The following USP6NL variants were observed in gnomAD, a reference collection of about 807,000 sequenced individuals.
USP6NL encodes the protein USP6 N-terminal-like protein.
USP6NL carries 26 observed loss-of-function variants against 61.9 expected under a neutral mutation model. The ratio of observed to expected loss-of-function variants is 0.42; its 90% confidence interval spans 0.31 to 0.58. The LOEUF is 0.58. USP6NL is among the 20% of genes least tolerant of loss of function. USP6NL has a pLI of 0.16. For missense variants in USP6NL, 1,114 were observed against 1,034.3 expected (o/e 1.08, Z -1.06); for synonymous variants, 432 against 390.1 (o/e 1.11, Z -1.27).
chr10:11,491,765 C>T lies in USP6NL; in HGVS notation c.495-885G>A, dbSNP rs969879703. 3.9e-5 allele frequency among the ~76,000 whole-genome samples: 6 copies of T among 152,160 alleles called. No homozygotes were observed. Among genetic ancestry groups the T allele is most frequent in the Non-Finnish European group, 8.8e-5 (6 of 68,016 alleles). On this transcript the variant is annotated intron_variant, in intron 8 of 14. Transcript: ENST00000609104. The surrounding 1 kb of genome is among the most constrained non-coding windows in gnomAD (Gnocchi z 4.7). ...AAAACTACCAATTCAGGCAGAACTG[C>T]TAGGTTCAGATTTTCAGGAAGAAAG...
chr10:11,536,022 C>G (rs1186031776), intron 2 of USP6NL, among the ~76,000 whole-genome samples: 1 of 152,182 alleles, frequency 6.6e-6, no homozygotes, highest in Non-Finnish European at 1.5e-5. Flanking sequence ...AGATTAACAT[C>G]AAAGCACAAC....
rs902989870 is a variant in USP6NL, at chr10:11,508,483, T to C, written c.276+1112A>G. ...AAAAGCTATAGTGAAACTTTTGCAC[T>C]GATGATAGAAAAGCTATGGTGGTAA... On this transcript the variant is annotated intron_variant, in intron 6 of 14. Transcript: ENST00000609104. 2.0e-5 allele frequency among the ~76,000 whole-genome samples: 3 copies of C among 152,350 alleles called. No homozygotes were observed. In the East Asian group the frequency reaches 5.8e-4, roughly 29 times the overall value.
chr10:11,563,406 C>G, intron 2 of USP6NL: 1 of 150,678 alleles, frequency 6.6e-6, no homozygotes, highest in Middle Eastern at 3.2e-3. Context: ...CGAGGACCCA[C>G]CACACACACA....
At chr10:11,581,102 TAC>T (rs1051169095) in intron 2 of USP6NL, among the ~76,000 whole-genome samples, 3 of 152,278 alleles carry the variant, frequency 2.0e-5, no homozygotes, top group African/African-American at 7.2e-5. Context: ...TTTTTGTCAA[TAC>T]ACATCTCTAA....
chr10:11,557,292 A>G (rs1388927965), intron 2 of USP6NL, among the ~76,000 whole-genome samples: 2 of 152,218 alleles, frequency 1.3e-5, no homozygotes, highest in African/African-American at 4.8e-5. Flanking sequence ...AGGATTAAGG[A>G]ATAGTCATAA....
At position 11,611,626 on chromosome 10, in the gene USP6NL, G is replaced by C. The variant is rs866458717; in HGVS notation, c.-267C>G. 9.1e-5 allele frequency: 14 copies of C among 153,076 alleles called. No individual in the cohort carries two copies. Among genetic ancestry groups the C allele is most frequent in the Middle Eastern group, 2.2e-3 (2 of 896 alleles). 9.5% of individuals were successfully genotyped at this position (153,076 alleles called of 1,614,324 possible). On this transcript the variant is annotated 5_prime_UTR_variant, in exon 1 of 15. Coordinates refer to ENST00000609104, the MANE Select transcript of USP6NL (RefSeq NM_014688.5). This position sits in a 1 kb window ranked among gnomAD's most constrained non-coding sequence, Gnocchi z 5.3. The stretch of plus-strand genomic sequence containing the variant: ...AGCCCGGGAACCAGGAAGTTCCCCG[G>C]CGCGACACCTCCTGCCGCCGCTATG...
rs1300453146 is a variant in USP6NL at position 11,597,596 on chromosome 10, G to C, written c.4+35C>G. On this transcript the variant is annotated intron_variant, in intron 2 of 14. Transcript: ENST00000609104. The surrounding 1 kb of genome is among the most constrained non-coding windows in gnomAD (Gnocchi z 4.6). ...TAAGCACAATACAGCAAACGCTCCTGAGATGGCTGGAAGGAAAGGAAGCAG... is the reference window on the plus strand; with the variant it reads ...TAAGCACAATACAGCAAACGCTCCTCAGATGGCTGGAAGGAAAGGAAGCAG... 1.3e-6 allele frequency: 2 copies of C among 1,549,074 alleles called. No individual in the cohort carries two copies. The highest frequency in any genetic ancestry group is 1.2e-5 in the South Asian group (1 of 84,012).
chr10:11,579,427 G>A (rs893364148), intron 2 of USP6NL, among the ~76,000 whole-genome samples: 22 of 152,240 alleles, frequency 1.4e-4, no homozygotes, highest in Middle Eastern at 6.8e-3. Flanking sequence ...CTGCAGACAC[G>A]ATTCCTGAAG....
chr10:11,562,808 AT>A lies in USP6NL; in HGVS notation c.4+34822del. 1 of 982,148 alleles carries A rather than the reference AT, an allele frequency of 1.0e-6. No individual in the cohort carries two copies. 60.8% of individuals were successfully genotyped at this position (982,148 alleles called of 1,614,324 possible). A position where few individuals can be genotyped will look rare whatever the true frequency, so the allele number is the denominator to read the frequency against. ...TCTCAGTATTCTAGTTTTATTAGGCATTAGTAAATAAGTTTTAGAAGAATAA... is the reference window on the plus strand; with the variant it reads ...TCTCAGTATTCTAGTTTTATTAGGCATAGTAAATAAGTTTTAGAAGAATAA... On this transcript the variant is annotated intron_variant, in intron 2 of 14. Coordinates refer to ENST00000609104, the MANE Select transcript of USP6NL (RefSeq NM_014688.5). The surrounding 1 kb of genome is among the most constrained non-coding windows in gnomAD (Gnocchi z 4.8).
chr10:11,517,190 CA>C (rs1407099469), intron 5 of USP6NL, among the ~76,000 whole-genome samples: 1 of 152,174 alleles, frequency 6.6e-6, no homozygotes, highest in East Asian at 1.9e-4. Context: ...TTTAGTTTTA[CA>C]AAGAATCCAT....
chr10:11,526,005 C>T (rs1174694466), intron 3 of USP6NL, among the ~76,000 whole-genome samples: 2 of 152,204 alleles, frequency 1.3e-5, no homozygotes, highest in Non-Finnish European at 2.9e-5. Flanking sequence ...CTTCAGGCCT[C>T]ATCTAACGGA....
rs1302639250 is a variant in USP6NL at position 11,490,674 on chromosome 10, G to T, written c.543+158C>A. Among the ~76,000 whole-genome samples, 1 of 152,156 alleles carries T rather than the reference G, an allele frequency of 6.6e-6. No individual in the cohort carries two copies. The highest frequency in any genetic ancestry group is 1.5e-5 in the Non-Finnish European group (1 of 68,036). ...ATCAGCTCTGTTCTAAGGCCCTAGGGTTATCACAGGGTTTCAGCTTAAAAA... is the reference window on the plus strand; with the variant it reads ...ATCAGCTCTGTTCTAAGGCCCTAGGTTTATCACAGGGTTTCAGCTTAAAAA... On this transcript the variant is annotated intron_variant, in intron 9 of 14. Transcript: ENST00000609104. This position sits in a 1 kb window ranked among gnomAD's most constrained non-coding sequence, Gnocchi z 4.5.
At chr10:11,601,049 G>A (rs1243827311) in intron 1 of USP6NL, among the ~76,000 whole-genome samples, 1 of 151,912 alleles carries the variant, frequency 6.6e-6, no homozygotes, top group Admixed American at 6.6e-5. Flanking sequence ...TGTGTGCTAA[G>A]ATATATACTG....
At chr10:11,475,596 C>CA (rs35589300) in intron 14 of USP6NL, among the ~76,000 whole-genome samples, 2,918 of 37,098 alleles carry the variant, frequency 0.079, 65 homozygotes, top group African/African-American at 0.11. Flanking sequence ...AACTCTGTCG[C>CA]AAAAAAAAAA....
chr10:11,513,213 G>A lies in USP6NL; in HGVS notation c.196-3538C>T, dbSNP rs1490700246. On this transcript the variant is annotated intron_variant, in intron 5 of 14. Transcript: ENST00000609104. This position sits in a 1 kb window ranked among gnomAD's most constrained non-coding sequence, Gnocchi z 4.7. ...TTCTGTGGTCTCAAGGTGGAGGGGTGGGAAGTAGAATGAATATGAACAGAT... is the reference window on the plus strand; with the variant it reads ...TTCTGTGGTCTCAAGGTGGAGGGGTAGGAAGTAGAATGAATATGAACAGAT... 6.6e-6 allele frequency among the ~76,000 whole-genome samples: 1 copy of A among 152,194 alleles called. No homozygotes were observed. The highest frequency in any genetic ancestry group is 6.5e-5 in the Admixed American group (1 of 15,272).
intron 2 of USP6NL, among the ~76,000 whole-genome samples, chr10:11,533,999 T>C (rs1835748938): frequency 1.3e-5 from 2 of 152,194 alleles, no homozygotes; most frequent in Non-Finnish European, 2.9e-5. Flanking sequence ...AGCCCAGTTG[T>C]AGCAAGAATC....
chr10:11,588,291 T>C (rs941690853), intron 2 of USP6NL, among the ~76,000 whole-genome samples: 2 of 152,210 alleles, frequency 1.3e-5, no homozygotes, highest in African/African-American at 2.4e-5. Flanking sequence ...AAGCACATCA[T>C]TGGGGAAACT....
intron 1 of USP6NL, among the ~76,000 whole-genome samples, chr10:11,601,405 G>A (rs563559946): frequency 3.7e-4 from 56 of 152,348 alleles, no homozygotes; most frequent in African/African-American, 1.3e-3. Context: ...CCTCAAGCCA[G>A]TGGTAGGATG....
In USP6NL at chr10:11,487,127, A is replaced by G. The variant is rs1833503511; in HGVS notation, c.665-1216T>C. On this transcript the variant is annotated intron_variant, in intron 10 of 14. Coordinates refer to ENST00000609104, the MANE Select transcript of USP6NL (RefSeq NM_014688.5). The surrounding 1 kb of genome is among the most constrained non-coding windows in gnomAD (Gnocchi z 4.2). ...AATGGAAGTTGAAAAATTTTCAAGA[A>G]AAGTCTAATTTTCGAAAAGTCAATA... Among the ~76,000 whole-genome samples, 6 of 152,216 alleles carry G rather than the reference A, an allele frequency of 3.9e-5. No homozygotes were observed. Among genetic ancestry groups the G allele is most frequent in the Admixed American group, 3.9e-4 (6 of 15,282 alleles).
Sources: allele counts gnomAD v4.1 joint callset (sites outside exome capture counted in the v4.1 genomes callset), GRCh38; gene constraint gnomAD v4.1.1; non-coding constraint Gnocchi (gnomAD v3.1); transcripts MANE v1.5; gene names NCBI Gene and HGNC (gene_info 2026-07-23, HGNC 2026-07-21).